Variants in CAPZB observed in about 807,000 individuals in gnomAD.
CAPZB encodes the protein F-actin-capping protein subunit beta.
A neutral mutation model predicts 38.1 loss-of-function variants in CAPZB; 2 were observed. That is an observed-to-expected ratio of 0.05 (90% CI 0.02 to 0.17). CAPZB has a LOEUF of 0.17. Ranked by LOEUF, CAPZB falls within the 10% of genes least tolerant of loss-of-function variation. The pLI is 1.00. For synonymous variants in CAPZB, 107 were observed against 127.4 expected (o/e 0.84, Z 1.08); for missense variants, 161 against 334.2 (o/e 0.48, Z 4.04).
chr1:19,365,996 T>C (rs1418331569), intron 4 of CAPZB, among the ~76,000 whole-genome samples: 1 of 152,072 alleles, frequency 6.6e-6, no homozygotes, highest in Non-Finnish European at 1.5e-5. Flanking sequence ...AATTCCTCTA[T>C]GATCTGGTGC....
At chr1:19,426,513 G>A (rs1409144286) in intron 1 of CAPZB, among the ~76,000 whole-genome samples, 2 of 152,044 alleles carry the variant, frequency 1.3e-5, no homozygotes, top group African/African-American at 4.8e-5. Context: ...TCAGAGCCCA[G>A]CACAAATGAT....
intron 6 of CAPZB, among the ~76,000 whole-genome samples, chr1:19,353,112 G>A (rs2094000867): frequency 6.6e-6 from 1 of 152,230 alleles, no homozygotes; most frequent in African/African-American, 2.4e-5. Flanking sequence ...CGCTGCTGCC[G>A]GGGTGAGGCA....
At chr1:19,423,070 G>A (rs1054384257) in intron 1 of CAPZB, among the ~76,000 whole-genome samples, 7 of 152,074 alleles carry the variant, frequency 4.6e-5, no homozygotes, top group African/African-American at 1.7e-4. Flanking sequence ...ACAGTCCTCT[G>A]TAGACCTGTA....
At chr1:19,472,938 G>T (rs4912003) in intron 1 of CAPZB, among the ~76,000 whole-genome samples, 149,994 of 151,146 alleles carry the variant, frequency 0.99, 74,437 homozygotes, top group East Asian at 1. Context: ...AGGATGGTCT[G>T]GATCTCCTGA....
chr1:19,339,125 C>G lies in CAPZB; in HGVS notation c.*405G>C, dbSNP rs924877079. Reference sequence around the variant, plus strand: ...GAATAAGATTTCCAGTTTTTCTTCTCTCTTTCACACACCACAGTTAGTTCA... The same window carrying G: ...GAATAAGATTTCCAGTTTTTCTTCTGTCTTTCACACACCACAGTTAGTTCA... On this transcript the variant is annotated 3_prime_UTR_variant, in exon 9 of 9. Transcript: ENST00000264202. 5.8e-6 allele frequency: 1 copy of G among 172,798 alleles called. No individual in the cohort carries two copies. Among genetic ancestry groups the G allele is most frequent in the African/African-American group, 2.4e-5 (1 of 41,468 alleles). 10.7% of individuals were successfully genotyped at this position (172,798 alleles called of 1,614,324 possible).
At chr1:19,394,459 G>A (rs1200917981) in intron 2 of CAPZB, among the ~76,000 whole-genome samples, 3 of 152,158 alleles carry the variant, frequency 2.0e-5, no homozygotes, top group Non-Finnish European at 2.9e-5. Flanking sequence ...AGTGGCTCAC[G>A]CCTGTAATCC....
Position 19,483,539 on chromosome 1 carries a change from G to A in CAPZB, c.3+1897C>T, listed in dbSNP as rs60980667. On this transcript the variant is annotated intron_variant, in intron 1 of 8. Coordinates refer to ENST00000264202, the MANE Select transcript of CAPZB (RefSeq NM_004930.5). ...TCCACCCTTTCCAGCCTTTTCAGAT[G>A]AGAGCTGAGTACAAGACTCCTGAGA... 5.5e-3 allele frequency among the ~76,000 whole-genome samples: 842 copies of A among 152,330 alleles called. 5 individuals carry two copies. The highest frequency in any genetic ancestry group is 0.019 in the African/African-American group (788 of 41,568).
chr1:19,418,462 C>A (rs555739673), intron 2 of CAPZB, among the ~76,000 whole-genome samples: 2 of 152,270 alleles, frequency 1.3e-5, no homozygotes, highest in East Asian at 3.9e-4. Flanking sequence ...CTGGCAGGAC[C>A]CTCTCTTTTT....
chr1:19,456,988 T>C lies in CAPZB; in HGVS notation c.3+28448A>G, dbSNP rs150933744. ...GGAAATGGACCAGCATTCCAAACTATTACTTAGAGATTAGCTCTGTGTGTG... is the reference window on the plus strand; with the variant it reads ...GGAAATGGACCAGCATTCCAAACTACTACTTAGAGATTAGCTCTGTGTGTG... On this transcript the variant is annotated intron_variant, in intron 1 of 8. Coordinates refer to ENST00000264202, the MANE Select transcript of CAPZB (RefSeq NM_004930.5). 1.6e-4 allele frequency among the ~76,000 whole-genome samples: 25 copies of C among 152,316 alleles called. 1 individual carries two copies. Among genetic ancestry groups the C allele is most frequent in the African/African-American group, 6.0e-4 (25 of 41,574 alleles).
intron 2 of CAPZB, among the ~76,000 whole-genome samples, chr1:19,416,905 A>T (rs1320615031): frequency 6.7e-6 from 1 of 149,814 alleles, no homozygotes; most frequent in East Asian, 1.9e-4. Context: ...TCTGACAGTA[A>T]TCTATAGAAT....
In CAPZB at chr1:19,403,753, T is replaced by C. The variant is rs370058255; in HGVS notation, c.93+15908A>G. Among the ~76,000 whole-genome samples, 38 of 152,254 alleles carry C rather than the reference T, an allele frequency of 2.5e-4. 1 individual carries two copies. The highest frequency in any genetic ancestry group is 5.8e-4 in the African/African-American group (24 of 41,552). On this transcript the variant is annotated intron_variant, in intron 2 of 8. Coordinates refer to ENST00000264202, the MANE Select transcript of CAPZB (RefSeq NM_004930.5). ...TCATTGAACTGCTCTAAAATGAGGA[T>C]TGGGACATACCTTCACCCAACAGGC... is the stretch of plus-strand genomic sequence containing the variant.
intron 6 of CAPZB, among the ~76,000 whole-genome samples, chr1:19,345,643 C>G (rs559383888): frequency 4.6e-5 from 7 of 152,392 alleles, no homozygotes; most frequent in Admixed American, 1.3e-4. Flanking sequence ...CCATCCACCC[C>G]AGGTTCAGGG....
At chr1:19,432,042 C>CAAAAAAAAAAAAAA (rs10583269) in intron 1 of CAPZB, among the ~76,000 whole-genome samples, 2 of 122,548 alleles carry the variant, frequency 1.6e-5, no homozygotes, top group African/African-American at 3.2e-5. Flanking sequence ...GATCCTGTCT[C>CAAAAAAAAAAAAAA]AAAAAAAAAA....
intron 1 of CAPZB, among the ~76,000 whole-genome samples, chr1:19,432,670 G>A (rs982456879): frequency 6.6e-6 from 1 of 152,204 alleles, no homozygotes; most frequent in Non-Finnish European, 1.5e-5. Flanking sequence ...TGGCTCTTGG[G>A]TACCCCAGTT....
chr1:19,347,009 T>TA (rs1193724335), intron 6 of CAPZB, among the ~76,000 whole-genome samples: 3 of 151,282 alleles, frequency 2.0e-5, no homozygotes, highest in African/African-American at 7.3e-5. Flanking sequence ...TTTATTTTTA[T>TA]TTTTTATTTT....
At chr1:19,368,354 G>A (rs1347111659) in intron 4 of CAPZB, among the ~76,000 whole-genome samples, 1 of 152,140 alleles carries the variant, frequency 6.6e-6, no homozygotes, top group Non-Finnish European at 1.5e-5. Context: ...CCAAAGAGGA[G>A]AAAGTCAGGC....
intron 4 of CAPZB, among the ~76,000 whole-genome samples, chr1:19,362,892 G>T (rs1050888361): frequency 6.6e-6 from 1 of 151,956 alleles, no homozygotes; most frequent in Non-Finnish European, 1.5e-5. Flanking sequence ...ACCATGAAGT[G>T]GGGGGGCCTC....
At chr1:19,443,130 T>C (rs2094483994) in intron 1 of CAPZB, among the ~76,000 whole-genome samples, 1 of 151,942 alleles carries the variant, frequency 6.6e-6, no homozygotes, top group Non-Finnish European at 1.5e-5. Context: ...TTCACGCCTG[T>C]AATCACAGCA....
intron 1 of CAPZB, among the ~76,000 whole-genome samples, chr1:19,447,447 C>A (rs1385729047): frequency 2.8e-5 from 4 of 145,186 alleles, no homozygotes; most frequent in African/African-American, 1.0e-4. Flanking sequence ...GTTGGCCAGG[C>A]TGGTCTCAAA....
Sources: allele counts gnomAD v4.1 joint callset (sites outside exome capture counted in the v4.1 genomes callset), GRCh38; gene constraint gnomAD v4.1.1; transcripts MANE v1.5; gene names NCBI Gene and HGNC (gene_info 2026-07-23, HGNC 2026-07-21).